Variants in NR1H4 observed in about 807,000 individuals in gnomAD.
NR1H4 encodes the protein bile acid receptor.
NR1H4 carries 23 observed loss-of-function variants against 58.5 expected under a neutral mutation model. The ratio of observed to expected loss-of-function variants is 0.39; its 90% confidence interval spans 0.28 to 0.56. The LOEUF is 0.56. NR1H4 is among the 20% of genes least tolerant of loss of function. NR1H4 has a pLI of 0.58. For missense variants in NR1H4, 487 were observed against 576.9 expected, an observed-to-expected ratio of 0.84 and a Z score of 1.60; for synonymous variants, 214 against 198.0, an observed-to-expected ratio of 1.08 and a Z score of -0.68.
intron 3 of NR1H4, among the ~76,000 whole-genome samples, chr12:100,502,754 G>C (rs1953863606): frequency 6.6e-6 from 1 of 152,126 alleles, no homozygotes; most frequent in Non-Finnish European, 1.5e-5. Flanking sequence ...TACAAAAAAG[G>C]CTTTGTGCTA....
chr12:100,525,862 G>T (rs1954542513), intron 4 of NR1H4, among the ~76,000 whole-genome samples: 2 of 152,060 alleles, frequency 1.3e-5, no homozygotes, highest in African/African-American at 2.4e-5. Flanking sequence ...GTTTTGGTAG[G>T]GTATGTCTTT....
chr12:100,512,163 G>A (rs959114546), intron 4 of NR1H4, among the ~76,000 whole-genome samples: 1 of 152,028 alleles, frequency 6.6e-6, no homozygotes, highest in African/African-American at 2.4e-5. Flanking sequence ...AGCCCGGGAG[G>A]TTGAGGCTGC....
At chr12:100,538,384 G>T (rs1954860191) in intron 8 of NR1H4, among the ~76,000 whole-genome samples, 1 of 152,052 alleles carries the variant, frequency 6.6e-6, no homozygotes, top group Non-Finnish European at 1.5e-5. Context: ...GGGAAGAGAA[G>T]AAGAAACAAA....
intron 9 of NR1H4, among the ~76,000 whole-genome samples, chr12:100,557,459 G>C (rs2136310273): frequency 6.6e-6 from 1 of 152,320 alleles, no homozygotes. Context: ...TTCAACATGA[G>C]ATTTAGAGGC....
intron 1 of NR1H4, among the ~76,000 whole-genome samples, chr12:100,479,192 G>A (rs530845010): frequency 6.6e-6 from 1 of 151,910 alleles, no homozygotes; most frequent in East Asian, 1.9e-4. Context: ...AGCTTTGTTT[G>A]TGATGCCTTA....
chr12:100,474,730 G>A (rs12297839), intron 1 of NR1H4, among the ~76,000 whole-genome samples: 27,435 of 152,108 alleles, frequency 0.18, 5,202 homozygotes, highest in African/African-American at 0.48. Context: ...CTTATTGACA[G>A]AGTGAATGGG....
chr12:100,549,233 A>C (rs950974244), intron 9 of NR1H4, among the ~76,000 whole-genome samples: 18 of 152,124 alleles, frequency 1.2e-4, no homozygotes, highest in African/African-American at 4.1e-4. Context: ...AGCTACTCTG[A>C]AGGCTGAGGC....
At chr12:100,559,341 G>A (rs1955407035) in intron 9 of NR1H4, among the ~76,000 whole-genome samples, 2 of 152,238 alleles carry the variant, frequency 1.3e-5, no homozygotes, top group South Asian at 4.1e-4. Context: ...GGCTGGCCAA[G>A]GCTGGAGCCC....
At chr12:100,552,851 G>A (rs968825910) in intron 9 of NR1H4, among the ~76,000 whole-genome samples, 2 of 152,030 alleles carry the variant, frequency 1.3e-5, no homozygotes, top group Non-Finnish European at 2.9e-5. Context: ...CCCCCAGGAG[G>A]CCAAGGCTGC....
chr12:100,503,788 A>C (rs1424540120), intron 3 of NR1H4, among the ~76,000 whole-genome samples: 1 of 152,222 alleles, frequency 6.6e-6, no homozygotes, highest in Admixed American at 6.5e-5. Flanking sequence ...TCTAATATTA[A>C]TATCAATGGA....
At chr12:100,503,562 C>G in intron 3 of NR1H4, 2 of 1,443,214 alleles carry the variant, frequency 1.4e-6, no homozygotes, top group Admixed American at 4.8e-5. Context: ...AATCTGGGGA[C>G]TTTGGTTGGA....
chr12:100,494,412 A>T (rs1338875119), intron 3 of NR1H4, among the ~76,000 whole-genome samples: 1 of 152,234 alleles, frequency 6.6e-6, no homozygotes, highest in Non-Finnish European at 1.5e-5. Flanking sequence ...TATTTCATTA[A>T]TATTTTATTA....
chr12:100,559,404 G>T (rs1443180493), intron 9 of NR1H4, among the ~76,000 whole-genome samples: 1 of 152,226 alleles, frequency 6.6e-6, no homozygotes. Context: ...CGGGAACCGG[G>T]GCTGCGTGCA....
At chr12:100,486,852 G>A (rs1953502362) in intron 1 of NR1H4, among the ~76,000 whole-genome samples, 2 of 150,838 alleles carry the variant, frequency 1.3e-5, no homozygotes, top group Middle Eastern at 3.5e-3. Context: ...AAAATAAGAA[G>A]CAATAAAAGT....
chr12:100,523,680 T>C (rs998154158), intron 4 of NR1H4, among the ~76,000 whole-genome samples: 1 of 152,222 alleles, frequency 6.6e-6, no homozygotes, highest in Admixed American at 6.5e-5. Context: ...TGGTGAATTC[T>C]TATTTGTTAT....
chr12:100,554,872 T>A (rs1440908537), intron 9 of NR1H4, among the ~76,000 whole-genome samples: 1 of 152,228 alleles, frequency 6.6e-6, no homozygotes, highest in East Asian at 1.9e-4. Flanking sequence ...CCTTTGTTTA[T>A]GTTGGCATGG....
chr12:100,539,854 G>T (rs192625532), intron 8 of NR1H4, among the ~76,000 whole-genome samples: 1 of 152,326 alleles, frequency 6.6e-6, no homozygotes, highest in East Asian at 1.9e-4. Flanking sequence ...GTGGTGGGGA[G>T]TGTATTTTAG....
rs1954820171 is a variant in NR1H4 at position 100,536,596 on chromosome 12, A to G, written c.817A>G (p.Ile273Val). 6.5e-7 allele frequency: 1 copy of G among 1,549,246 alleles called. No individual in the cohort carries two copies. The highest frequency in any genetic ancestry group is 8.9e-7 in the Non-Finnish European group (1 of 1,121,180). ...SYNKQRMPQE[I>V]TNKILKEEFS... The stretch of plus-strand genomic sequence containing the variant: ...TAACAAACAGAGGATGCCTCAGGAA[A>G]TAACAAATAAAATTGTATGTATAAT... Residue 273 changes from isoleucine (I) to valine (V), a missense_variant, in exon 7 of 11, where the codon ATA becomes GTA. Transcript: ENST00000392986.
intron 5 of NR1H4, among the ~76,000 whole-genome samples, chr12:100,534,628 T>C (rs1593106809): frequency 6.6e-6 from 1 of 152,200 alleles, no homozygotes; most frequent in East Asian, 1.9e-4. Context: ...ATTATTGCTT[T>C]TAATCTACAC....
Sources: allele counts gnomAD v4.1 joint callset (sites outside exome capture counted in the v4.1 genomes callset), GRCh38; gene constraint gnomAD v4.1.1; transcripts MANE v1.5; gene names NCBI Gene and HGNC (gene_info 2026-07-23, HGNC 2026-07-21).